Variants in ACTR2 observed in about 807,000 individuals in gnomAD.
ACTR2 encodes actin related protein 2, also known as actin-related protein 2.
In ACTR2, 5 loss-of-function variants were observed where a neutral mutation model predicts 50.2. The ratio of observed to expected loss-of-function variants is 0.10; its 90% CI spans 0.05 to 0.21. The LOEUF is 0.21. Among genes scored for constraint, ACTR2 ranks in the 10% least tolerant of loss-of-function variants. ACTR2 has a pLI of 1.00. For missense variants in ACTR2, 180 were observed against 480.6 expected, an observed-to-expected ratio of 0.37 and a Z score of 5.85; for synonymous variants, 140 against 162.9, an observed-to-expected ratio of 0.86 and a Z score of 1.07.
intron 1 of ACTR2, 43 bp downstream of exon 1, chr2:65,228,000 CG>C: frequency 6.8e-7 from 1 of 1,473,626 alleles, no homozygotes; most frequent in Non-Finnish European, 9.0e-7. Context: ...CAGACGCCGG[CG>C]GGGACGAGCA....
At chr2:65,259,620 T>C (rs1672225042) in intron 6 of ACTR2, among the ~76,000 whole-genome samples, 1 of 152,114 alleles carries the variant, frequency 6.6e-6, no homozygotes, top group South Asian at 2.1e-4. Context: ...TCTCAGCTAC[T>C]TGGGGGGCTG....
intron 1 of ACTR2, among the ~76,000 whole-genome samples, chr2:65,233,847 A>C (rs1345133872): frequency 6.6e-6 from 1 of 151,754 alleles, no homozygotes; most frequent in East Asian, 1.9e-4. Flanking sequence ...CTGACCTCAA[A>C]TGATCCTCCT....
chr2:65,236,371 G>A (rs1027406116), intron 1 of ACTR2, among the ~76,000 whole-genome samples: 2 of 151,854 alleles, frequency 1.3e-5, no homozygotes, highest in African/African-American at 4.8e-5. Flanking sequence ...ATTCTGGATG[G>A]CAGAATGTCC....
At chr2:65,267,095 A>T (rs1312115018) in intron 8 of ACTR2, among the ~76,000 whole-genome samples, 1 of 152,212 alleles carries the variant, frequency 6.6e-6, no homozygotes, top group Non-Finnish European at 1.5e-5. Context: ...GTATTTACAG[A>T]AGCAGTGTCT....
rs1179194137 is a variant in ACTR2, at chr2:65,235,132, AGAGAGTTTGTGATTT to A, written c.49-4718_49-4704del. Among the ~76,000 whole-genome samples the A allele has an allele frequency of 3.3e-5, 5 of 152,198 alleles. No homozygotes were observed. In the East Asian group the frequency reaches 5.8e-4, roughly 18 times the overall value. ...CAAGTAAACTGGATTTTGACTTAAA[AGAGAGTTTGTGATTT>A]GGGAGAGAAGAGTGTGTGAGAGGTG... On this transcript the variant is annotated intron_variant, in intron 1 of 8. Coordinates refer to ENST00000260641, the MANE Select transcript of ACTR2 (RefSeq NM_005722.4).
At chr2:65,254,570 A>ACAGT (rs1289383784) in intron 5 of ACTR2, among the ~76,000 whole-genome samples, 4 of 152,184 alleles carry the variant, frequency 2.6e-5, no homozygotes, top group Non-Finnish European at 5.9e-5. Context: ...CCTCTCCAGG[A>ACAGT]CAGTGGTTCT....
At position 65,246,546 on chromosome 2, in the gene ACTR2, C is replaced by T. The variant is rs1558623557; in HGVS notation, c.182C>T (p.Ala61Val). 1 of 1,607,586 alleles carries T rather than the reference C, an allele frequency of 6.2e-7. No homozygotes were observed. The highest frequency in any genetic ancestry group is 8.5e-7 in the Non-Finnish European group (1 of 1,177,534). ...TAGGATCTTATGGTTGGTGATGAGGCAAGTGAATTACGATCAATGTTAGAA... is the reference window on the plus strand; with the variant it reads ...TAGGATCTTATGGTTGGTGATGAGGTAAGTGAATTACGATCAATGTTAGAA... ...EIKDLMVGDE[A>V]SELRSMLEVN... is the part of the protein sequence containing the mutation. The change falls in exon 3 of 9, where the codon GCA (alanine) becomes GTA (valine). Residue 61 changes from alanine to valine, a missense_variant. Ala to Val is a moderately conservative substitution (Grantham distance 64). Coordinates refer to ENST00000260641, the MANE Select transcript of ACTR2 (RefSeq NM_005722.4).
At chr2:65,263,525 C>T (rs268866) in intron 7 of ACTR2, among the ~76,000 whole-genome samples, 79,510 of 151,960 alleles carry the variant, frequency 0.52, 21,860 homozygotes, top group Middle Eastern at 0.57. Context: ...TTGTGTAACC[C>T]TGAGTTAAAT....
chr2:65,235,307 T>G (rs933441499), intron 1 of ACTR2, among the ~76,000 whole-genome samples: 1 of 152,112 alleles, frequency 6.6e-6, no homozygotes, highest in Non-Finnish European at 1.5e-5. Context: ...AAGAAGACAC[T>G]GAGAAAAAAT....
At chr2:65,243,351 C>A (rs774567737) in intron 2 of ACTR2, among the ~76,000 whole-genome samples, 4 of 151,834 alleles carry the variant, frequency 2.6e-5, no homozygotes, top group African/African-American at 9.7e-5. Flanking sequence ...AGTTTTTGAC[C>A]GAGTGAGGTG....
intron 6 of ACTR2, among the ~76,000 whole-genome samples, chr2:65,257,000 G>A (rs2104011770): frequency 6.6e-6 from 1 of 151,988 alleles, no homozygotes; most frequent in East Asian, 1.9e-4. Flanking sequence ...GAAAATGCAG[G>A]TTTGTTACAT....
At chr2:65,251,304 T>TA (rs34710706) in intron 4 of ACTR2, among the ~76,000 whole-genome samples, 1,630 of 151,168 alleles carry the variant, frequency 0.011, 34 homozygotes, top group African/African-American at 0.031. Flanking sequence ...GTATTTAAGG[T>TA]AAAAAAAAAA....
intron 4 of ACTR2, among the ~76,000 whole-genome samples, chr2:65,252,225 C>T (rs1441248384): frequency 6.6e-6 from 1 of 151,556 alleles, no homozygotes; most frequent in Non-Finnish European, 1.5e-5. Context: ...GTGTGAATTC[C>T]TCCTTTTTTT....
chr2:65,240,879 T>A (rs1433506319), intron 2 of ACTR2, among the ~76,000 whole-genome samples: 2 of 152,136 alleles, frequency 1.3e-5, no homozygotes, highest in African/African-American at 4.8e-5. Context: ...TTTGGGACAT[T>A]TGTTTTATGT....
At position 65,249,923 on chromosome 2, in the gene ACTR2, G is replaced by A. The variant is rs544121880; in HGVS notation, c.376-1104G>A. Among the ~76,000 whole-genome samples the A allele has an allele frequency of 7.2e-5, 11 of 152,230 alleles. 1 individual carries two copies. Among genetic ancestry groups the A allele is most frequent in the African/African-American group, 2.4e-4 (10 of 41,542 alleles). ...ACCATTGATTTTTGTCTTTGCCGTG[G>A]CATTTTACTGGGTTTTTTATTTTTT... On this transcript the variant is annotated intron_variant, in intron 3 of 8. Transcript: ENST00000260641.
chr2:65,270,041 T>C lies in ACTR2; in HGVS notation c.*1307T>C, dbSNP rs1672462055. 1 of 152,186 alleles carries C rather than the reference T, an allele frequency of 6.6e-6. No homozygotes were observed. Among genetic ancestry groups the C allele is most frequent in the Non-Finnish European group, 1.5e-5 (1 of 68,036 alleles). 9.4% of individuals were successfully genotyped at this position (152,186 alleles called of 1,614,324 possible). ...AGACTTTCCTGCCAGTGTCAGAAAA[T>C]CCTATTTATGAATCCTGTCGGTATT... On this transcript the variant is annotated 3_prime_UTR_variant, in exon 9 of 9. Coordinates refer to ENST00000260641, the MANE Select transcript of ACTR2 (RefSeq NM_005722.4).
chr2:65,237,546 C>T (rs1025389804), intron 1 of ACTR2, among the ~76,000 whole-genome samples: 33 of 152,032 alleles, frequency 2.2e-4, no homozygotes, highest in African/African-American at 7.7e-4. Flanking sequence ...CCAGCGTAAA[C>T]AGACTATACA....
At chr2:65,243,138 G>T (rs1260791074) in intron 2 of ACTR2, among the ~76,000 whole-genome samples, 1 of 152,044 alleles carries the variant, frequency 6.6e-6, no homozygotes, top group Non-Finnish European at 1.5e-5. Flanking sequence ...AATCAGCCAG[G>T]TGTGGTGGTG....
intron 6 of ACTR2, among the ~76,000 whole-genome samples, chr2:65,256,688 A>G (rs925915963): frequency 6.6e-6 from 1 of 152,174 alleles, no homozygotes; most frequent in South Asian, 2.1e-4. Flanking sequence ...CCTGGCCAAC[A>G]TGGTGAAACC....
Sources: gnomAD v4.1 joint callset for allele counts (sites outside exome capture counted in the v4.1 genomes callset) on GRCh38, gnomAD v4.1.1 for gene constraint, MANE v1.5 for transcripts, NCBI Gene and HGNC (gene_info 2026-07-23, HGNC 2026-07-21) for gene names.